The following SPAG16 variants were observed in gnomAD, a reference collection of about 807,000 sequenced individuals.
The protein encoded by SPAG16 is sperm associated antigen 16, also known as sperm-associated antigen 16 protein.
Under a neutral mutation model 80.4 loss-of-function variants are expected in SPAG16, and 86 were observed. That is an observed-to-expected ratio of 1.07 (90% confidence interval 0.90 to 1.28). The LOEUF (loss-of-function observed/expected upper bound fraction) is 1.28, where lower values mean the gene tolerates loss of function less well. Ranked by LOEUF, SPAG16 falls within the 50% of genes most tolerant of loss-of-function variation. SPAG16 has a pLI of 0.00. For synonymous variants in SPAG16, 294 were observed against 265.9 expected (o/e 1.11, Z -1.03); for missense variants, 870 against 765.3 (o/e 1.14, Z -1.61).
rs185557407 is a variant in SPAG16 at position 214,223,417 on chromosome 2, T to A, written c.1720+74151T>A. ...GAGTTGTTTCTGAATACGTATAGCATATGAACTAAATCAAATTGGTAAAAA... is the reference window on the plus strand; with the variant it reads ...GAGTTGTTTCTGAATACGTATAGCAAATGAACTAAATCAAATTGGTAAAAA... On this transcript the variant is annotated intron_variant, in intron 15 of 15. Transcript: ENST00000331683. Among the ~76,000 whole-genome samples, 754 of 151,996 alleles carry A rather than the reference T, an allele frequency of 5.0e-3. 5 individuals are homozygous for A. Among genetic ancestry groups the A allele is most frequent in the African/African-American group, 0.017 (714 of 41,502 alleles).
intron 11 of SPAG16, among the ~76,000 whole-genome samples, chr2:213,903,668 G>A (rs182962924): frequency 1.1e-4 from 17 of 152,180 alleles, no homozygotes; most frequent in African/African-American, 2.2e-4. Flanking sequence ...GATTAATTCC[G>A]CTCCTTGTTA....
At chr2:213,422,520 C>A (rs2069660494) in intron 9 of SPAG16, 1 of 491,590 alleles carries the variant, frequency 2.0e-6, no homozygotes, top group Non-Finnish European at 3.7e-6. Flanking sequence ...GCACAGCCTA[C>A]CAGGCCGAGT....
chr2:214,320,455 C>G (rs1397376851), intron 15 of SPAG16, among the ~76,000 whole-genome samples: 3 of 152,132 alleles, frequency 2.0e-5, no homozygotes, highest in African/African-American at 7.2e-5. Context: ...TTGTAAGCCC[C>G]AAGCATATAT....
chr2:213,738,894 T>A (rs560549346), intron 10 of SPAG16, among the ~76,000 whole-genome samples: 5 of 152,328 alleles, frequency 3.3e-5, no homozygotes, highest in African/African-American at 1.2e-4. Context: ...TATGACATTC[T>A]CAAGCTCATT....
intron 12 of SPAG16, among the ~76,000 whole-genome samples, chr2:213,966,886 G>A (rs2044738559): frequency 1.3e-5 from 2 of 152,008 alleles, no homozygotes; most frequent in Non-Finnish European, 1.5e-5. Context: ...ATTCATTAAG[G>A]GAAGCATGAG....
intron 15 of SPAG16, among the ~76,000 whole-genome samples, chr2:214,222,073 C>T (rs1316465944): frequency 1.4e-5 from 2 of 145,734 alleles, no homozygotes. Context: ...ACAGCTAAGA[C>T]ATTAAAATGT....
intron 9 of SPAG16, among the ~76,000 whole-genome samples, chr2:213,442,742 T>G (rs944493438): frequency 3.9e-5 from 6 of 152,170 alleles, no homozygotes; most frequent in African/African-American, 1.4e-4. Context: ...GACACAAGGC[T>G]TATATCTTTA....
At chr2:213,347,348 A>G (rs1575298019) in intron 6 of SPAG16, among the ~76,000 whole-genome samples, 1 of 152,138 alleles carries the variant, frequency 6.6e-6, no homozygotes, top group African/African-American at 2.4e-5. Flanking sequence ...TCCTGGATTC[A>G]TTGATATTTT....
intron 15 of SPAG16, among the ~76,000 whole-genome samples, chr2:214,173,325 GT>G (rs1176963747): frequency 6.6e-6 from 1 of 152,042 alleles, no homozygotes; most frequent in African/African-American, 2.4e-5. Context: ...TGGCTAGCCA[GT>G]TTTCCCAGCA....
intron 11 of SPAG16, among the ~76,000 whole-genome samples, chr2:213,904,169 C>G (rs1350090320): frequency 6.6e-6 from 1 of 152,186 alleles, no homozygotes; most frequent in South Asian, 2.1e-4. Context: ...AAAGTCGGTT[C>G]CACATTTTTG....
At chr2:214,321,909 C>T (rs748753095) in intron 15 of SPAG16, among the ~76,000 whole-genome samples, 3 of 152,154 alleles carry the variant, frequency 2.0e-5, no homozygotes, top group African/African-American at 4.8e-5. Context: ...CCTGCTATAC[C>T]CCCAATCTGA....
intron 14 of SPAG16, among the ~76,000 whole-genome samples, chr2:214,143,444 A>G (rs1382661608): frequency 1.3e-5 from 2 of 151,980 alleles, no homozygotes; most frequent in Admixed American, 6.6e-5. Flanking sequence ...TTAGTTTTAT[A>G]TTATGAGGTA....
At chr2:213,749,694 A>G (rs1178883223) in intron 10 of SPAG16, among the ~76,000 whole-genome samples, 1 of 152,234 alleles carries the variant, frequency 6.6e-6, no homozygotes, top group Non-Finnish European at 1.5e-5. Context: ...TAGTGAAAAT[A>G]TCCTAGTTTA....
In SPAG16 at chr2:213,902,036, A is replaced by G. The variant is rs578152359; in HGVS notation, c.1215-27924A>G. ...TCCTAGAGTCTCGTGAAAAACAGGTATAACAGCTGGGTTTTCATATTTAGG... is the reference window on the plus strand; with the variant it reads ...TCCTAGAGTCTCGTGAAAAACAGGTGTAACAGCTGGGTTTTCATATTTAGG... On this transcript the variant is annotated intron_variant, in intron 11 of 15. Transcript: ENST00000331683. 1.1e-4 allele frequency among the ~76,000 whole-genome samples: 17 copies of G among 152,314 alleles called. No homozygotes were observed. The South Asian group carries it at 2.9e-3, about 26-fold the overall frequency.
chr2:214,349,002 T>C (rs181441528), intron 15 of SPAG16, among the ~76,000 whole-genome samples: 22 of 152,272 alleles, frequency 1.4e-4, no homozygotes, highest in African/African-American at 5.3e-4. Flanking sequence ...ACAATTCACT[T>C]GATCTATTTG....
At chr2:213,879,149 A>G (rs1015836937) in intron 11 of SPAG16, among the ~76,000 whole-genome samples, 2 of 151,552 alleles carry the variant, frequency 1.3e-5, no homozygotes, top group Non-Finnish European at 2.9e-5. Flanking sequence ...TTTTGATTCC[A>G]TATGAATTTT....
intron 10 of SPAG16, among the ~76,000 whole-genome samples, chr2:213,634,982 T>A (rs941668208): frequency 6.6e-6 from 1 of 151,938 alleles, no homozygotes; most frequent in African/African-American, 2.4e-5. Context: ...ACTCCACATT[T>A]TCTTTATCCT....
intron 11 of SPAG16, among the ~76,000 whole-genome samples, chr2:213,895,835 G>A (rs1236251414): frequency 2.0e-5 from 3 of 151,968 alleles, no homozygotes; most frequent in Admixed American, 6.6e-5. Flanking sequence ...CTAGAAGAAA[G>A]CATTGGGTAA....
At chr2:213,834,865 A>G (rs923726670) in intron 10 of SPAG16, among the ~76,000 whole-genome samples, 36 of 152,172 alleles carry the variant, frequency 2.4e-4, no homozygotes, top group African/African-American at 8.4e-4. Context: ...GTACCCTTTC[A>G]GAGGAAGAAG....
Sources: gnomAD v4.1 joint callset for allele counts (sites outside exome capture counted in the v4.1 genomes callset) on GRCh38, gnomAD v4.1.1 for gene constraint, MANE v1.5 for transcripts, NCBI Gene and HGNC (gene_info 2026-07-23, HGNC 2026-07-21) for gene names.